TMEM87A: variants seen among roughly 807,000 people sequenced by gnomAD.
TMEM87A encodes the protein transmembrane protein 87A, also known as Golgi-pH regulating cation channel.
TMEM87A carries 50 observed loss-of-function variants against 90.0 expected under a neutral mutation model. That is an observed-to-expected ratio of 0.56 (90% confidence interval 0.44 to 0.70). TMEM87A has a LOEUF of 0.70. Ranked by LOEUF, TMEM87A falls within the 30% of genes least tolerant of loss-of-function variation. The pLI is 0.00. For synonymous variants in TMEM87A, 226 were observed against 226.7 expected (o/e 1.00, Z 0.03); for missense variants, 577 against 660.5 (o/e 0.87, Z 1.39).
At chr15:42,259,957 T>C (rs2051256531) in intron 6 of TMEM87A, among the ~76,000 whole-genome samples, 1 of 152,024 alleles carries the variant, frequency 6.6e-6, no homozygotes, top group South Asian at 2.1e-4. Context: ...GCAGGAGAAA[T>C]GCGGAGTGAC....
In TMEM87A at chr15:42,269,839, G is replaced by C. The variant is rs575363821; in HGVS notation, c.206-1807C>G. ...TAGTCCCAGCTACTCGGGAGGCTGA[G>C]GCAGGAGAATGGCGTGAACCTGGGA... On this transcript the variant is annotated intron_variant, in intron 2 of 19. Coordinates refer to ENST00000389834, the MANE Select transcript of TMEM87A (RefSeq NM_015497.5). Among the ~76,000 whole-genome samples the C allele has an allele frequency of 2.8e-5, 4 of 144,430 alleles. No homozygotes were observed. In the South Asian group the frequency reaches 9.2e-4, roughly 33 times the overall value. The allele number at this position is 144,430 out of a possible 152,430, so 94.8% of individuals were successfully genotyped here.
chr15:42,220,173 A>G, intron 15 of TMEM87A, 38 bp from the exon 16 acceptor site: 1 of 1,478,958 alleles, frequency 6.8e-7, no homozygotes, highest in Non-Finnish European at 9.2e-7. Context: ...AAAAATTAGA[A>G]AACTTCAAAA....
At chr15:42,268,215 ATTG>A (rs2051443891) in intron 2 of TMEM87A, among the ~76,000 whole-genome samples, 183 bp from the exon 3 acceptor site, 1 of 152,212 alleles carries the variant, frequency 6.6e-6, no homozygotes, top group Non-Finnish European at 1.5e-5. Context: ...AGATAAAAGT[ATTG>A]TTGTTCATAG....
chr15:42,213,577 CAGG>C (rs879672717), intron 19 of TMEM87A, among the ~76,000 whole-genome samples: 5 of 152,178 alleles, frequency 3.3e-5, no homozygotes, highest in Admixed American at 6.5e-5. Context: ...CCACTGGCTC[CAGG>C]AGACCCATGA....
At chr15:42,232,350 C>T (rs1566927891) in intron 11 of TMEM87A, among the ~76,000 whole-genome samples, 1 of 152,162 alleles carries the variant, frequency 6.6e-6, no homozygotes, top group Non-Finnish European at 1.5e-5. Flanking sequence ...GTAGCCAGGA[C>T]TACAGGCACC....
chr15:42,261,947 C>G (rs2051301974), intron 4 of TMEM87A, among the ~76,000 whole-genome samples: 1 of 152,128 alleles, frequency 6.6e-6, no homozygotes, highest in African/African-American at 2.4e-5. Flanking sequence ...ACCTAATATT[C>G]TTGATGCTTA....
chr15:42,265,647 T>C (rs2051387803), intron 3 of TMEM87A, among the ~76,000 whole-genome samples: 2 of 152,218 alleles, frequency 1.3e-5, no homozygotes, highest in Non-Finnish European at 2.9e-5. Flanking sequence ...TCCCATTCTG[T>C]AGGCTGTCTA....
chr15:42,237,623 C>A lies in TMEM87A; in HGVS notation c.685-8G>T. The A allele has an allele frequency of 6.4e-7, 1 of 1,556,650 alleles. No individual in the cohort carries two copies. Among genetic ancestry groups the A allele is most frequent in the South Asian group, 1.2e-5 (1 of 81,710 alleles). On this transcript the variant is annotated splice_region_variant and splice_polypyrimidine_tract_variant and intron_variant, in intron 8 of 19. Coordinates refer to ENST00000389834, the MANE Select transcript of TMEM87A (RefSeq NM_015497.5). ...ACACATCACCATGAAAAACTGTTAT[C>A]AAATTGGGTAAAAGATAAAAAGGAG...
intron 1 of TMEM87A, 181 bp downstream of exon 1, chr15:42,273,074 C>T (rs1321870394): frequency 1.4e-6 from 1 of 735,410 alleles, no homozygotes; most frequent in Non-Finnish European, 2.3e-6. Flanking sequence ...CTAGCCTAAT[C>T]ACAGAAGTGC....
intron 6 of TMEM87A, 120 bp from the exon 7 acceptor site, chr15:42,244,287 T>C (rs1408235274): frequency 3.1e-6 from 2 of 635,760 alleles, no homozygotes; most frequent in Non-Finnish European, 5.3e-6. Context: ...TCCTTCTCTT[T>C]CATTCATTGA....
intron 10 of TMEM87A, among the ~76,000 whole-genome samples, chr15:42,234,741 A>G (rs903617257): frequency 6.6e-6 from 1 of 152,136 alleles, no homozygotes; most frequent in African/African-American, 2.4e-5. Flanking sequence ...ACTCTCCCCA[A>G]TTAGGCTTTT....
At chr15:42,248,840 A>G (rs1387961526) in intron 6 of TMEM87A, among the ~76,000 whole-genome samples, 2 of 152,060 alleles carry the variant, frequency 1.3e-5, no homozygotes. Context: ...TATTGGTTGG[A>G]ATAGTTTCAG....
intron 15 of TMEM87A, among the ~76,000 whole-genome samples, chr15:42,220,351 T>A (rs571458438): frequency 1.2e-4 from 19 of 152,240 alleles, no homozygotes; most frequent in Non-Finnish European, 2.1e-4. Context: ...CAGGCTCAGC[T>A]GAATACTACC....
chr15:42,233,020 G>T (rs111330759), intron 11 of TMEM87A, 193 bp downstream of exon 11: 6 of 358,380 alleles, frequency 1.7e-5, no homozygotes, highest in Non-Finnish European at 3.0e-5. Flanking sequence ...CATTCATTCG[G>T]GCACACACTA....
chr15:42,224,205 T>C (rs967830108), intron 15 of TMEM87A, among the ~76,000 whole-genome samples: 5 of 152,224 alleles, frequency 3.3e-5, no homozygotes, highest in Admixed American at 1.3e-4. Context: ...GGTATTAGCA[T>C]GACTGCCAGG....
intron 7 of TMEM87A, among the ~76,000 whole-genome samples, chr15:42,240,488 A>G (rs151009459): frequency 1.3e-5 from 2 of 152,344 alleles, no homozygotes; most frequent in East Asian, 1.9e-4. Context: ...TTTTCAAAGA[A>G]TTTGTTAATA....
intron 6 of TMEM87A, among the ~76,000 whole-genome samples, chr15:42,257,321 C>G (rs1215464097): frequency 2.6e-5 from 4 of 151,880 alleles, no homozygotes; most frequent in Non-Finnish European, 5.9e-5. Context: ...AAAAAAAAAG[C>G]CCACTACCTC....
chr15:42,220,006 G>C (rs572047942), intron 16 of TMEM87A, 56 bp downstream of exon 16: 62 of 1,431,258 alleles, frequency 4.3e-5, no homozygotes, highest in Non-Finnish European at 5.4e-5. Context: ...AATAAACAAT[G>C]TACTTACAGA....
chr15:42,269,072 G>A (rs1472196609), intron 2 of TMEM87A, among the ~76,000 whole-genome samples: 2 of 152,094 alleles, frequency 1.3e-5, no homozygotes, highest in Non-Finnish European at 2.9e-5. Context: ...TATCATGGAA[G>A]CTTCATAAAG....
Sources: allele counts gnomAD v4.1 joint callset (sites outside exome capture counted in the v4.1 genomes callset), GRCh38; gene constraint gnomAD v4.1.1; transcripts MANE v1.5; gene names NCBI Gene and HGNC (gene_info 2026-07-23, HGNC 2026-07-21).